The following SYNE3 variants were observed in gnomAD, a reference collection of about 807,000 sequenced individuals.
The protein encoded by SYNE3 is nesprin-3.
A neutral mutation model predicts 111.2 loss-of-function variants in SYNE3; 100 were observed. That is an observed-to-expected ratio of 0.90 (90% CI 0.77 to 1.06). The LOEUF is 1.06. Among genes scored for constraint, SYNE3 ranks in the 50% least tolerant of loss-of-function variants. The pLI is 0.00. For synonymous variants in SYNE3, 547 were observed against 533.9 expected (o/e 1.02, Z -0.34); for missense variants, 1,160 against 1,240.3 (o/e 0.94, Z 0.97).
chr14:95,446,817 C>T (rs970620719), intron 8 of SYNE3, among the ~76,000 whole-genome samples: 1 of 152,210 alleles, frequency 6.6e-6, no homozygotes, highest in African/African-American at 2.4e-5. Flanking sequence ...GAAGCCTTCC[C>T]TGACCCCATT....
At chr14:95,473,771 T>TAAGG (rs1238718449) in intron 2 of SYNE3, among the ~76,000 whole-genome samples, 12 of 140,272 alleles carry the variant, frequency 8.6e-5, no homozygotes, top group East Asian at 2.1e-4. Flanking sequence ...TGGCTGGAGC[T>TAAGG]CAGGCCAGTG....
chr14:95,449,359 G>T, intron 8 of SYNE3: 1 of 914,048 alleles, frequency 1.1e-6, no homozygotes, highest in Non-Finnish European at 1.3e-6. Flanking sequence ...GGGTGTCAGG[G>T]GAAGATTTGA....
chr14:95,425,013 G>A (rs1885352882), intron 17 of SYNE3, among the ~76,000 whole-genome samples: 1 of 152,210 alleles, frequency 6.6e-6, no homozygotes, highest in African/African-American at 2.4e-5. Flanking sequence ...GCCAAGGCAG[G>A]TGGATCACTT....
chr14:95,412,577 A>C lies in SYNE3; in HGVS notation c.*5249T>G, dbSNP rs1333036236. The C allele has an allele frequency of 2.0e-5, 3 of 152,258 alleles. No individual in the cohort carries two copies. The highest frequency in any genetic ancestry group is 2.9e-5 in the Non-Finnish European group (2 of 68,066). 9.4% of individuals were successfully genotyped at this position (152,258 alleles called of 1,614,324 possible). On this transcript the variant is annotated 3_prime_UTR_variant, in exon 18 of 18. Transcript: ENST00000682763. Reference sequence around the variant, plus strand: ...GGACAGCATCCGAATGGCCAGTGGGAAGGCAGGGCCAGTGAGCACCTGGGT... The same window carrying C: ...GGACAGCATCCGAATGGCCAGTGGGCAGGCAGGGCCAGTGAGCACCTGGGT...
At position 95,432,059 on chromosome 14, in the gene SYNE3, G is replaced by A; in HGVS notation, c.2727+20C>T. 6.2e-7 allele frequency: 1 copy of A among 1,609,686 alleles called. No individual in the cohort carries two copies. The highest frequency in any genetic ancestry group is 1.1e-5 in the South Asian group (1 of 89,950). Reference sequence around the variant, plus strand: ...GCACCCTGCCTGCTAGCCGTGTGGAGCAGATGGCAGACACTGTACCTTTTG... The same window carrying A: ...GCACCCTGCCTGCTAGCCGTGTGGAACAGATGGCAGACACTGTACCTTTTG... On this transcript the variant is annotated intron_variant, in intron 17 of 17. Coordinates refer to ENST00000682763, the MANE Select transcript of SYNE3 (RefSeq NM_152592.6).
At chr14:95,451,645 G>A (rs1185049059) in intron 7 of SYNE3, 1 of 152,308 alleles carries the variant, frequency 6.6e-6, no homozygotes, top group Non-Finnish European at 1.5e-5. Context: ...TTCTGAAGGA[G>A]CTCCCTGTAC....
At chr14:95,511,440 C>T (rs769099926) in intron 1 of SYNE3, among the ~76,000 whole-genome samples, 13 of 152,172 alleles carry the variant, frequency 8.5e-5, no homozygotes, top group Non-Finnish European at 1.9e-4. Flanking sequence ...GTGACTCACG[C>T]CTGTAATCCC....
chr14:95,448,643 G>A (rs953720676), intron 8 of SYNE3, among the ~76,000 whole-genome samples: 2 of 152,200 alleles, frequency 1.3e-5, no homozygotes, highest in Admixed American at 6.5e-5. Flanking sequence ...AGCTGAGATC[G>A]CGCCACTGCA....
rs1222687249 is a variant in SYNE3, at chr14:95,407,963, C to T, written c.*9863G>A. ...AGAGTGAACTTGTTTATGAGAACCT[C>T]GTTTATGCAGAGGTTGGACTCAAGG... On this transcript the variant is annotated 3_prime_UTR_variant, in exon 18 of 18. Coordinates refer to ENST00000682763, the MANE Select transcript of SYNE3 (RefSeq NM_152592.6). 1 of 152,174 alleles carries T rather than the reference C, an allele frequency of 6.6e-6. No individual in the cohort carries two copies. The highest frequency in any genetic ancestry group is 1.9e-4 in the East Asian group (1 of 5,192). The allele number at this position is 152,174 out of a possible 1,614,324, so 9.4% of individuals were successfully genotyped here.
chr14:95,477,559 A>T lies in SYNE3; in HGVS notation c.-14-1724T>A, dbSNP rs574041657. On this transcript the variant is annotated intron_variant, in intron 1 of 17. Transcript: ENST00000682763. ...GCTGGGCACCATCCCCAGGCCCTGC[A>T]CGGGGCCAGAAGAAGCTTCGGGGAG... is the stretch of plus-strand genomic sequence containing the variant. Among the ~76,000 whole-genome samples, 23 of 152,336 alleles carry T rather than the reference A, an allele frequency of 1.5e-4. No homozygotes were observed. The Middle Eastern group carries it at 0.014, about 90-fold the overall frequency.
At chr14:95,423,154 A>AT (rs1243947228) in intron 17 of SYNE3, among the ~76,000 whole-genome samples, 1 of 151,954 alleles carries the variant, frequency 6.6e-6, no homozygotes. Context: ...ACAGAGATGT[A>AT]TTTTTTCAGT....
At chr14:95,508,297 G>A (rs1408869867) in intron 1 of SYNE3, among the ~76,000 whole-genome samples, 1 of 152,190 alleles carries the variant, frequency 6.6e-6, no homozygotes, top group South Asian at 2.1e-4. Flanking sequence ...CACTGAACAG[G>A]TATGAGCTGT....
intron 7 of SYNE3, chr14:95,450,535 G>T: frequency 6.0e-6 from 1 of 167,384 alleles, no homozygotes; most frequent in Non-Finnish European, 1.3e-5. Flanking sequence ...AAATTAGCCA[G>T]GCATCATAGT....
intron 8 of SYNE3, 80 bp downstream of exon 8, chr14:95,449,851 T>A: frequency 6.7e-7 from 1 of 1,501,722 alleles, no homozygotes. Context: ...AAACGGACCT[T>A]CCCCTGGGAG....
At chr14:95,504,779 G>C (rs1453734198) in intron 1 of SYNE3, among the ~76,000 whole-genome samples, 1 of 152,072 alleles carries the variant, frequency 6.6e-6, no homozygotes, top group African/African-American at 2.4e-5. Context: ...CCAGGAGTTC[G>C]AGATCAGCCT....
chr14:95,505,462 G>C (rs1890495830), intron 1 of SYNE3, among the ~76,000 whole-genome samples: 1 of 152,214 alleles, frequency 6.6e-6, no homozygotes, highest in African/African-American at 2.4e-5. Flanking sequence ...TCATTGGGCA[G>C]CCCTCAGATC....
chr14:95,433,934 C>G (rs1183482095), intron 15 of SYNE3, among the ~76,000 whole-genome samples: 2 of 152,078 alleles, frequency 1.3e-5, no homozygotes, highest in African/African-American at 2.4e-5. Flanking sequence ...TGGATCCTGG[C>G]TCTGCCCCAT....
At chr14:95,512,354 C>T (rs879648420) in intron 1 of SYNE3, among the ~76,000 whole-genome samples, 17 of 152,146 alleles carry the variant, frequency 1.1e-4, no homozygotes, top group Admixed American at 6.5e-4. Context: ...GGAATATATG[C>T]GCCTCCTATT....
intron 17 of SYNE3, among the ~76,000 whole-genome samples, chr14:95,423,307 T>A (rs1885237807): frequency 6.6e-6 from 1 of 152,180 alleles, no homozygotes; most frequent in South Asian, 2.1e-4. Context: ...AGCGGATGTA[T>A]GACCATAGGC....
Sources: gnomAD v4.1 joint callset for allele counts (sites outside exome capture counted in the v4.1 genomes callset) on GRCh38, gnomAD v4.1.1 for gene constraint, MANE v1.5 for transcripts, NCBI Gene and HGNC (gene_info 2026-07-23, HGNC 2026-07-21) for gene names.